NEIL2: variants seen among roughly 807,000 people sequenced by gnomAD.
NEIL2 encodes the protein endonuclease 8-like 2.
A neutral mutation model predicts 22.2 loss-of-function variants in NEIL2; 23 were observed. The observed-to-expected ratio is 1.04, with a 90% CI of 0.75 to 1.47. The LOEUF (loss-of-function observed/expected upper bound fraction) is 1.47. NEIL2 is among the 40% of genes most tolerant of loss of function. The pLI is 0.00. For synonymous variants in NEIL2, 229 were observed against 164.8 expected (o/e 1.39, Z -2.99); for missense variants, 583 against 404.7 (o/e 1.44, Z -3.78).
At chr8:11,780,923 G>A (rs1024405658) in intron 3 of NEIL2, among the ~76,000 whole-genome samples, 1 of 152,178 alleles carries the variant, frequency 6.6e-6, no homozygotes, top group Admixed American at 6.5e-5. Context: ...CAGAAAGTCT[G>A]TTTGTTTTTG....
chr8:11,773,555 C>T (rs1010298050), intron 2 of NEIL2, among the ~76,000 whole-genome samples: 4 of 152,058 alleles, frequency 2.6e-5, no homozygotes, highest in African/African-American at 7.2e-5. Flanking sequence ...GTCCCGGTGG[C>T]CTGGAGAAGA....
intron 3 of NEIL2, among the ~76,000 whole-genome samples, chr8:11,782,411 A>G (rs1303662105): frequency 6.6e-6 from 1 of 152,160 alleles, no homozygotes; most frequent in Non-Finnish European, 1.5e-5. Flanking sequence ...GGTGACAAGA[A>G]TGAAACTCCA....
chr8:11,778,943 G>GAAAAAAAAAAAAAAAAAAAAA (rs57173797), intron 2 of NEIL2, among the ~76,000 whole-genome samples: 1 of 44,498 alleles, frequency 2.2e-5, no homozygotes, highest in African/African-American at 9.0e-5. Context: ...GACTCCATCT[G>GAAAAAAAAAAAAAAAAAAAAA]AAAAAAAAAA....
At chr8:11,772,757 G>A (rs549933656) in intron 2 of NEIL2, among the ~76,000 whole-genome samples, 7 of 152,206 alleles carry the variant, frequency 4.6e-5, no homozygotes, top group Non-Finnish European at 2.9e-5. Flanking sequence ...CTGCTTAGCC[G>A]TGTGCTCTTA....
At chr8:11,776,199 A>C (rs1014228785) in intron 2 of NEIL2, among the ~76,000 whole-genome samples, 2 of 152,256 alleles carry the variant, frequency 1.3e-5, no homozygotes, top group Admixed American at 1.3e-4. Flanking sequence ...GGCATGTCTT[A>C]CATGGCAGCA....
intron 2 of NEIL2, among the ~76,000 whole-genome samples, chr8:11,774,449 A>G (rs899722518): frequency 3.9e-5 from 6 of 152,120 alleles, no homozygotes; most frequent in South Asian, 2.1e-4. Flanking sequence ...CCATGATTCA[A>G]TTACCTCCCA....
chr8:11,771,313 C>G (rs1463711262), intron 1 of NEIL2, 133 bp from the exon 2 acceptor site: 4 of 1,115,992 alleles, frequency 3.6e-6, no homozygotes, highest in Non-Finnish European at 4.0e-6. Context: ...GCCACACTCC[C>G]TTTTTGGCCA....
At chr8:11,774,756 T>G (rs1335800724) in intron 2 of NEIL2, among the ~76,000 whole-genome samples, 1 of 152,160 alleles carries the variant, frequency 6.6e-6, no homozygotes, top group Non-Finnish European at 1.5e-5. Flanking sequence ...CTGTTTCAAA[T>G]GGGAGAAATT....
rs148643053 is a variant in NEIL2 at position 11,779,824 on chromosome 8, C to T, written c.365C>T (p.Ala122Val). The change falls in exon 3 of 5, where the codon GCC (alanine) becomes GTC (valine). Residue 122 changes from alanine to valine, a missense_variant. Ala to Val is a moderately conservative substitution (Grantham distance 64). Transcript: ENST00000284503. ...GATTCTGAGTATTTGGAGAGAGACG[C>T]CCCTGCAGGAGATGCTGGGAGGTGG... The part of the protein sequence containing the change: ...EDDSEYLERD[A>V]PAGDAGRWLR... The T allele has an allele frequency of 1.2e-6, 2 of 1,614,094 alleles. No homozygotes were observed. The highest frequency in any genetic ancestry group is 1.1e-5 in the South Asian group (1 of 91,082).
intron 2 of NEIL2, among the ~76,000 whole-genome samples, chr8:11,777,882 C>G (rs531813856): frequency 1.3e-5 from 2 of 152,336 alleles, no homozygotes; most frequent in South Asian, 4.1e-4. Context: ...ATTCAGGAGG[C>G]CAGAGCTCTA....
chr8:11,780,829 C>T (rs528551722), intron 3 of NEIL2, among the ~76,000 whole-genome samples: 2 of 152,256 alleles, frequency 1.3e-5, no homozygotes, highest in South Asian at 2.1e-4. Flanking sequence ...ATTTTTCTGG[C>T]CTTAGGAAAG....
At chr8:11,773,453 T>G (rs1803645147) in intron 2 of NEIL2, among the ~76,000 whole-genome samples, 1 of 152,088 alleles carries the variant, frequency 6.6e-6, no homozygotes, top group South Asian at 2.1e-4. Context: ...AACATACGGC[T>G]TGTATCGACA....
rs1804977584 is a variant in NEIL2 at position 11,786,586 on chromosome 8, G to T, written c.*313G>T. 2.3e-6 allele frequency: 1 copy of T among 427,774 alleles called. No individual in the cohort carries two copies. The highest frequency in any genetic ancestry group is 4.3e-6 in the Non-Finnish European group (1 of 231,042). 26.5% of individuals were successfully genotyped at this position (427,774 alleles called of 1,614,324 possible). On this transcript the variant is annotated 3_prime_UTR_variant, in exon 5 of 5. Coordinates refer to ENST00000284503, the MANE Select transcript of NEIL2 (RefSeq NM_145043.4). ...GGGGCAAGGAAAAAGAAAGCCTATG[G>T]GAAATGGCTGTGCTCCCAACATAGC...
intron 2 of NEIL2, among the ~76,000 whole-genome samples, chr8:11,773,326 G>T (rs970272129): frequency 6.6e-6 from 1 of 152,136 alleles, no homozygotes; most frequent in African/African-American, 2.4e-5. Flanking sequence ...ATGTTGCAGG[G>T]AACCTAAGGT....
At chr8:11,779,262 A>G (rs1227111614) in intron 2 of NEIL2, among the ~76,000 whole-genome samples, 1 of 152,200 alleles carries the variant, frequency 6.6e-6, no homozygotes, top group Non-Finnish European at 1.5e-5. Context: ...TGTATTACGA[A>G]TGGAATGAAG....
At chr8:11,777,345 C>T (rs896816130) in intron 2 of NEIL2, among the ~76,000 whole-genome samples, 1 of 151,992 alleles carries the variant, frequency 6.6e-6, no homozygotes, top group Non-Finnish European at 1.5e-5. Context: ...AGTTGTCCCC[C>T]TCCCACCCCC....
In NEIL2 at chr8:11,787,171, C is replaced by T. The variant is rs8191673; in HGVS notation, c.*898C>T. ...CAGGGAGCTGCGCCTTCCTGGGGTG[C>T]CCGGTGGTGTGTAGAGAAAAGCTGC... On this transcript the variant is annotated 3_prime_UTR_variant, in exon 5 of 5. Transcript: ENST00000284503. 601 of 152,640 alleles carry T rather than the reference C, an allele frequency of 3.9e-3. 1 individual carries two copies. Among genetic ancestry groups the T allele is most frequent in the Non-Finnish European group, 6.6e-3 (449 of 68,076 alleles). The allele number at this position is 152,640 out of a possible 1,614,324, so 9.5% of individuals were successfully genotyped here. A position where few individuals can be genotyped will look rare whatever the true frequency, so the allele number is the denominator to read the frequency against.
At chr8:11,785,553 G>C (rs550919168) in intron 4 of NEIL2, among the ~76,000 whole-genome samples, 2 of 152,186 alleles carry the variant, frequency 1.3e-5, no homozygotes, top group East Asian at 3.8e-4. Flanking sequence ...ACTGTGCTCA[G>C]CGTCTTTTGG....
Position 11,786,482 on chromosome 8 carries a change from C to T in NEIL2, c.*209C>T, listed in dbSNP as rs1011678910. On this transcript the variant is annotated 3_prime_UTR_variant, in exon 5 of 5. Transcript: ENST00000284503. ...TTATCCTTTTCTAGTTCAGTTAATT[C>T]ATCCTGTTGAATTGCACCATCGTGA... 14 of 605,180 alleles carry T rather than the reference C, an allele frequency of 2.3e-5. No homozygotes were observed. The highest frequency in any genetic ancestry group is 4.1e-5 in the Non-Finnish European group (14 of 340,112). The allele number at this position is 605,180 out of a possible 1,614,324, so 37.5% of individuals were successfully genotyped here. A position where few individuals can be genotyped will look rare whatever the true frequency, so the allele number is the denominator to read the frequency against.
Sources: allele counts gnomAD v4.1 joint callset (sites outside exome capture counted in the v4.1 genomes callset), GRCh38; gene constraint gnomAD v4.1.1; transcripts MANE v1.5; gene names NCBI Gene and HGNC (gene_info 2026-07-23, HGNC 2026-07-21).